Variants in ACACA observed in about 807,000 individuals in gnomAD.
The protein encoded by ACACA is acetyl-CoA carboxylase 1.
Under a neutral mutation model 296.1 loss-of-function variants are expected in ACACA, and 103 were observed. The ratio of observed to expected loss-of-function variants is 0.35; its 90% CI spans 0.30 to 0.41. The LOEUF (loss-of-function observed/expected upper bound fraction) is 0.41. Ranked by LOEUF, ACACA falls within the 10% of genes least tolerant of loss-of-function variation. The pLI, the probability that ACACA is intolerant of heterozygous loss-of-function variation, is 1.00. For synonymous variants in ACACA, 953 were observed against 1,038.6 expected (o/e 0.92, Z 1.58); for missense variants, 1,554 against 2,989.7 (o/e 0.52, Z 11.20).
intron 35 of ACACA, among the ~76,000 whole-genome samples, chr17:37,194,933 A>AACC (rs2077922268): frequency 6.6e-6 from 1 of 150,452 alleles, no homozygotes; most frequent in African/African-American, 2.5e-5. Context: ...ATTCTCTGAC[A>AACC]CCCCCCCCAC....
chr17:37,379,063 C>G (rs558488633), intron 1 of ACACA: 70 of 1,485,144 alleles, frequency 4.7e-5, no homozygotes, highest in Non-Finnish European at 6.3e-5. Flanking sequence ...CAGAGCAAGG[C>G]ACCGTCTCAA....
In ACACA at chr17:37,277,372, T is replaced by C. The variant is rs190332023; in HGVS notation, c.721-258A>G. ...AAGATCCAGTTATACTTGTTGCTCT[T>C]TAGGAAACTCAATTCATAGCCTAGG... On this transcript the variant is annotated intron_variant, in intron 6 of 55. Transcript: ENST00000616317. Among the ~76,000 whole-genome samples the C allele has an allele frequency of 7.9e-5, 12 of 152,350 alleles. No individual in the cohort carries two copies. The East Asian group carries it at 2.3e-3, about 29-fold the overall frequency.
At chr17:37,161,362 G>GCAAT (rs2076452661) in intron 42 of ACACA, among the ~76,000 whole-genome samples, 1 of 152,192 alleles carries the variant, frequency 6.6e-6, no homozygotes, top group South Asian at 2.1e-4. Context: ...TACGGGGGAA[G>GCAAT]CAATATCTTT....
intron 22 of ACACA, among the ~76,000 whole-genome samples, chr17:37,242,404 G>T (rs1236848858): frequency 6.6e-6 from 1 of 152,136 alleles, no homozygotes; most frequent in African/African-American, 2.4e-5. Flanking sequence ...TAAAGATGCT[G>T]CCAAGGTAGT....
At chr17:37,356,386 A>G (rs1207575984) in intron 1 of ACACA, among the ~76,000 whole-genome samples, 1 of 151,524 alleles carries the variant, frequency 6.6e-6, no homozygotes, top group African/African-American at 2.4e-5. Flanking sequence ...TATTATTATT[A>G]TTATTTTTTT....
At chr17:37,177,269 C>CGTGTGTGTGTGTGTGTGT (rs112439511) in intron 41 of ACACA, among the ~76,000 whole-genome samples, 10 of 146,426 alleles carry the variant, frequency 6.8e-5, no homozygotes, top group African/African-American at 2.5e-4. Flanking sequence ...TTAAAAAATT[C>CGTGTGTGTGTGTGTGTGT]GTGTGTGTGT....
intron 41 of ACACA, among the ~76,000 whole-genome samples, chr17:37,174,223 TA>T (rs773130340): frequency 1.1e-3 from 158 of 140,564 alleles, no homozygotes; most frequent in Admixed American, 1.4e-3. Context: ...TCCTCTTCTT[TA>T]AAAAAAAAAA....
intron 26 of ACACA, 89 bp downstream of exon 26, chr17:37,226,250 A>G: frequency 1.0e-6 from 1 of 969,274 alleles, no homozygotes. Context: ...TGTTCTTTGT[A>G]AAGTGATTAA....
At chr17:37,124,915 T>G (rs150766292) in intron 48 of ACACA, among the ~76,000 whole-genome samples, 5 of 152,332 alleles carry the variant, frequency 3.3e-5, no homozygotes, top group Admixed American at 3.3e-4. Flanking sequence ...TTTGAGAATC[T>G]TGAGCAGGTG....
chr17:37,270,708 T>C, intron 10 of ACACA, 43 bp downstream of exon 10: 1 of 1,376,858 alleles, frequency 7.3e-7, no homozygotes, highest in East Asian at 2.3e-5. Flanking sequence ...ATATCTCTGA[T>C]ATACATGTTA....
chr17:37,210,044 C>T (rs1472514215), intron 30 of ACACA, among the ~76,000 whole-genome samples: 1 of 152,176 alleles, frequency 6.6e-6, no homozygotes, highest in Non-Finnish European at 1.5e-5. Context: ...ATCTGCACTC[C>T]TCTAAAAGGA....
chr17:37,160,476 G>C (rs1431255375), intron 42 of ACACA, among the ~76,000 whole-genome samples: 1 of 152,146 alleles, frequency 6.6e-6, no homozygotes, highest in Non-Finnish European at 1.5e-5. Context: ...AGCTAAGAGT[G>C]GGGAGAGGGA....
intron 41 of ACACA, among the ~76,000 whole-genome samples, chr17:37,174,822 C>T (rs986054399): frequency 5.9e-5 from 9 of 152,284 alleles, no homozygotes; most frequent in South Asian, 4.2e-4. Context: ...TAAGCCACCA[C>T]GCCTGGCCCC....
chr17:37,336,548 G>T (rs1008558300), intron 2 of ACACA, among the ~76,000 whole-genome samples: 1 of 152,154 alleles, frequency 6.6e-6, no homozygotes, highest in African/African-American at 2.4e-5. Context: ...ATCATCTGTT[G>T]CCTGACAGCA....
At chr17:37,399,587 A>G (rs1426828762) in intron 1 of ACACA, among the ~76,000 whole-genome samples, 1 of 152,176 alleles carries the variant, frequency 6.6e-6, no homozygotes, top group East Asian at 1.9e-4. Flanking sequence ...TAGCAACAAT[A>G]TATTTCTAGT....
At chr17:37,334,929 C>A (rs974727406) in intron 2 of ACACA, among the ~76,000 whole-genome samples, 1 of 152,122 alleles carries the variant, frequency 6.6e-6, no homozygotes, top group East Asian at 1.9e-4. Context: ...TGCATGCATG[C>A]AAATACTCAT....
intron 2 of ACACA, among the ~76,000 whole-genome samples, chr17:37,331,134 T>C (rs953094385): frequency 6.7e-6 from 1 of 148,312 alleles, no homozygotes; most frequent in African/African-American, 2.5e-5. Flanking sequence ...TTTATTTATT[T>C]AGAGACGGAG....
chr17:37,388,042 G>C (rs370858945), intron 1 of ACACA: 8 of 152,292 alleles, frequency 5.3e-5, no homozygotes, highest in African/African-American at 1.9e-4. Flanking sequence ...GCGTTCGCCT[G>C]TGGTCTGAGC....
intron 1 of ACACA, among the ~76,000 whole-genome samples, chr17:37,361,784 C>A (rs1025142768): frequency 6.6e-6 from 1 of 152,120 alleles, no homozygotes; most frequent in African/African-American, 2.4e-5. Context: ...CAAGCTATTA[C>A]GTCTGTAAGA....
Sources: allele counts gnomAD v4.1 joint callset (sites outside exome capture counted in the v4.1 genomes callset), GRCh38; gene constraint gnomAD v4.1.1; transcripts MANE v1.5; gene names NCBI Gene and HGNC (gene_info 2026-07-23, HGNC 2026-07-21).